The following PTGR3 variants were observed in gnomAD, a reference collection of about 807,000 sequenced individuals.
PTGR3 encodes prostaglandin reductase 3.
At chr18:75,204,828 C>T in the PTGR3 span, among the ~76,000 whole-genome samples, 1 of 152,174 alleles carries the variant, frequency 6.6e-6, no homozygotes, top group Non-Finnish European at 1.5e-5. Context: ...CCGCGCAGCT[C>T]CGCCTGGGTG....
At chr18:75,202,288 G>A in the PTGR3 span, 1 of 1,613,996 alleles carries the variant, frequency 6.2e-7, no homozygotes, top group South Asian at 1.1e-5. Flanking sequence ...TTAACTGAGG[G>A]GTCATAGCGG....
the PTGR3 span, chr18:75,201,567 AG>A: frequency 1.9e-6 from 3 of 1,614,144 alleles, no homozygotes; most frequent in Non-Finnish European, 2.5e-6. Flanking sequence ...CTCACAAACC[AG>A]GTCTCCGCTC....
chr18:75,208,967 T>A, the PTGR3 span: 4 of 1,595,250 alleles, frequency 2.5e-6, no homozygotes, highest in Non-Finnish European at 3.4e-6. Flanking sequence ...CTGCATGGCT[T>A]GGGGAATGGC....
At chr18:75,208,864 G>C in the PTGR3 span, 2 of 1,520,492 alleles carry the variant, frequency 1.3e-6, no homozygotes, top group South Asian at 1.2e-5. Flanking sequence ...TCCGGACGAG[G>C]AGGTCTCCGT....
chr18:75,204,778 G>A, the PTGR3 span, among the ~76,000 whole-genome samples: 459 of 152,190 alleles, frequency 3.0e-3, 3 homozygotes, highest in African/African-American at 0.011. Context: ...CGGGGGCCCC[G>A]GCAGGCGCGC....
chr18:75,207,933 C>T, the PTGR3 span, among the ~76,000 whole-genome samples: 1 of 152,188 alleles, frequency 6.6e-6, no homozygotes, highest in African/African-American at 2.4e-5. Context: ...TGGGACTTTG[C>T]AGGCCTCTGC....
At chr18:75,195,348 C>T in the PTGR3 span, 13 of 152,158 alleles carry the variant, frequency 8.5e-5, no homozygotes, top group African/African-American at 2.9e-4. Context: ...GGGTTTATCT[C>T]CACAAAAAGA....
chr18:75,208,872 C>T, the PTGR3 span: 5 of 1,528,892 alleles, frequency 3.3e-6, no homozygotes, highest in African/African-American at 1.4e-5. Context: ...AGGAGGTCTC[C>T]GTCCCCGGGG....
chr18:75,200,198 G>T, the PTGR3 span: 2 of 152,206 alleles, frequency 1.3e-5, no homozygotes, highest in African/African-American at 4.8e-5. Flanking sequence ...AGCGGCAGCA[G>T]TCTTCAGGGC....
chr18:75,197,708 T>G, the PTGR3 span: 63 of 152,328 alleles, frequency 4.1e-4, no homozygotes, highest in African/African-American at 1.5e-3. Context: ...CATCTAACTT[T>G]CAACAAAAAA....
chr18:75,202,904 A>C, the PTGR3 span, among the ~76,000 whole-genome samples: 2 of 152,214 alleles, frequency 1.3e-5, no homozygotes. Flanking sequence ...GGAATGTGCA[A>C]GGTCACTGGT....
chr18:75,199,021 TG>T, the PTGR3 span: 2 of 152,678 alleles, frequency 1.3e-5, no homozygotes. Context: ...AACATATTTT[TG>T]GCATTATCTG....
the PTGR3 span, chr18:75,208,817 C>G: frequency 7.1e-7 from 1 of 1,406,678 alleles, no homozygotes; most frequent in Non-Finnish European, 9.3e-7. Flanking sequence ...GGGGCGAGAA[C>G]GGGGGCGTGG....
At chr18:75,203,457 C>T in the PTGR3 span, among the ~76,000 whole-genome samples, 3 of 152,228 alleles carry the variant, frequency 2.0e-5, no homozygotes, top group African/African-American at 7.2e-5. Flanking sequence ...GTCCTGTATG[C>T]GATACACTTT....
At chr18:75,200,936 A>G in the PTGR3 span, 1 of 152,694 alleles carries the variant, frequency 6.5e-6, no homozygotes, top group Non-Finnish European at 1.5e-5. Context: ...AAAAAGGACC[A>G]TTTCCTGAGG....
chr18:75,208,349 G>A, the PTGR3 span: 1 of 986,728 alleles, frequency 1.0e-6, no homozygotes, highest in Non-Finnish European at 1.2e-6. Context: ...CCACTGCGAG[G>A]CGGCTGCCAA....
chr18:75,205,586 A>C, the PTGR3 span: 2 of 722,940 alleles, frequency 2.8e-6, no homozygotes, highest in Non-Finnish European at 3.4e-6. Flanking sequence ...TTACTGAGAA[A>C]CAGAGCGATC....
At chr18:75,206,817 A>G in the PTGR3 span, among the ~76,000 whole-genome samples, 347 of 152,332 alleles carry the variant, frequency 2.3e-3, 2 homozygotes, top group Non-Finnish European at 2.4e-3. Flanking sequence ...TTTAAAGTGG[A>G]GCACATTGGG....
chr18:75,208,593 A>C, the PTGR3 span: 6 of 943,160 alleles, frequency 6.4e-6, no homozygotes, highest in East Asian at 4.5e-5. Context: ...GGGGAGGGGA[A>C]TCCCAAATTA....
Sources: allele counts gnomAD v4.1 joint callset (sites outside exome capture counted in the v4.1 genomes callset), GRCh38; gene constraint gnomAD v4.1.1; transcripts MANE v1.5; gene names NCBI Gene and HGNC (gene_info 2026-07-23, HGNC 2026-07-21).